STK33: variants seen among roughly 807,000 people sequenced by gnomAD.
The protein encoded by STK33 is serine/threonine-protein kinase 33.
STK33 carries 52 observed loss-of-function variants against 58.0 expected under a neutral mutation model. The observed-to-expected ratio is 0.90, with a 90% CI of 0.72 to 1.13. The LOEUF (loss-of-function observed/expected upper bound fraction) is 1.13, where lower values mean the gene tolerates loss of function less well. STK33 is among the 50% of genes most tolerant of loss of function. The probability of loss-of-function intolerance (pLI) is 0.00; values close to 1 mark genes in which losing one functional copy is unlikely to be tolerated. For missense variants in STK33, 630 were observed against 604.2 expected (o/e 1.04, Z -0.45); for synonymous variants, 215 against 200.1 (o/e 1.07, Z -0.63).
the STK33 span, among the ~76,000 whole-genome samples, chr11:8,348,015 C>T: frequency 6.6e-6 from 1 of 152,200 alleles, no homozygotes; most frequent in Admixed American, 6.5e-5. Flanking sequence ...GGTCTAGTCC[C>T]TGAGAGGAGA....
intron 1 of STK33, among the ~76,000 whole-genome samples, chr11:8,490,376 C>T (rs767931603): frequency 6.6e-6 from 1 of 152,142 alleles, no homozygotes; most frequent in Non-Finnish European, 1.5e-5. Flanking sequence ...GGGGCGTCCA[C>T]CATTGCTGAG....
chr11:8,402,633 G>A (rs1938296200), intron 15 of STK33, among the ~76,000 whole-genome samples: 2 of 151,894 alleles, frequency 1.3e-5, no homozygotes, highest in Admixed American at 6.6e-5. Context: ...AAAAGAATCT[G>A]AGACTCCCCT....
At chr11:8,376,116 C>T in the STK33 span, among the ~76,000 whole-genome samples, 1 of 152,154 alleles carries the variant, frequency 6.6e-6, no homozygotes, top group African/African-American at 2.4e-5. Flanking sequence ...GGGGAATGAG[C>T]GGGGTCAGAG....
chr11:8,456,842 G>T (rs1288114757), intron 9 of STK33, among the ~76,000 whole-genome samples: 1 of 152,160 alleles, frequency 6.6e-6, no homozygotes, highest in African/African-American at 2.4e-5. Context: ...TGGACTTAGG[G>T]TGACAATGAT....
At chr11:8,416,806 G>A (rs1480074638) in intron 14 of STK33, among the ~76,000 whole-genome samples, 4 of 152,130 alleles carry the variant, frequency 2.6e-5, no homozygotes, top group African/African-American at 7.2e-5. Flanking sequence ...TATTTCCTAT[G>A]TGGAAATTTT....
At chr11:8,480,126 G>T (rs905327258) in intron 2 of STK33, among the ~76,000 whole-genome samples, 1 of 152,170 alleles carries the variant, frequency 6.6e-6, no homozygotes, top group Admixed American at 6.5e-5. Flanking sequence ...AGACTTCTAC[G>T]TGATTTGAAG....
In STK33 at chr11:8,552,928, A is replaced by T. The variant is rs191942045; in HGVS notation, c.-466+41155T>A. On this transcript the variant is annotated intron_variant, in intron 1 of 15. Coordinates refer to ENST00000687296, the MANE Select transcript of STK33 (RefSeq NM_001352389.2). ...CACTTTGGGAGGCCAAGGCAGAAGGATCGCTTGAGCCCAGGAGTTCAGGAG... is the reference window on the plus strand; with the variant it reads ...CACTTTGGGAGGCCAAGGCAGAAGGTTCGCTTGAGCCCAGGAGTTCAGGAG... 2.4e-3 allele frequency among the ~76,000 whole-genome samples: 371 copies of T among 151,660 alleles called. 6 individuals carry two copies. Among genetic ancestry groups the T allele is most frequent in the African/African-American group, 8.6e-3 (355 of 41,354 alleles).
chr11:8,495,972 T>G (rs1301138987), intron 1 of STK33, among the ~76,000 whole-genome samples: 1 of 151,922 alleles, frequency 6.6e-6, no homozygotes, highest in Non-Finnish European at 1.5e-5. Context: ...GGGAGAGGGA[T>G]AGCATTAGGA....
At chr11:8,385,977 T>C in the STK33 span, among the ~76,000 whole-genome samples, 2 of 150,648 alleles carry the variant, frequency 1.3e-5, no homozygotes, top group African/African-American at 4.9e-5. Context: ...GGTTTCACCA[T>C]GTTAGCCAGG....
At chr11:8,381,399 T>C in the STK33 span, among the ~76,000 whole-genome samples, 28 of 152,138 alleles carry the variant, frequency 1.8e-4, 1 homozygote, top group Non-Finnish European at 5.9e-5. Context: ...CCCCACTCCA[T>C]TGTGGCTAAG....
At chr11:8,524,840 A>G (rs1953889101) in intron 1 of STK33, among the ~76,000 whole-genome samples, 1 of 151,764 alleles carries the variant, frequency 6.6e-6, no homozygotes, top group African/African-American at 2.4e-5. Context: ...AAATATTTGC[A>G]TCACAAAAAT....
chr11:8,593,515 A>G (rs761917021), intron 1 of STK33, among the ~76,000 whole-genome samples: 4 of 152,160 alleles, frequency 2.6e-5, no homozygotes, highest in Non-Finnish European at 5.9e-5. Context: ...TATAATCTAC[A>G]TTTAGGAAGC....
the STK33 span, among the ~76,000 whole-genome samples, chr11:8,338,402 A>G: frequency 6.6e-6 from 1 of 152,178 alleles, no homozygotes; most frequent in East Asian, 1.9e-4. Flanking sequence ...GATGGCTTCT[A>G]TGTCCAGGAC....
chr11:8,514,004 C>T (rs562415965), intron 1 of STK33, among the ~76,000 whole-genome samples: 1 of 152,238 alleles, frequency 6.6e-6, no homozygotes, highest in African/African-American at 2.4e-5. Context: ...TCCTTCTACC[C>T]TCTATCTCCA....
chr11:8,569,669 A>G (rs763254232), intron 1 of STK33, among the ~76,000 whole-genome samples: 7 of 152,180 alleles, frequency 4.6e-5, no homozygotes, highest in Non-Finnish European at 8.8e-5. Flanking sequence ...AAGAAAATCA[A>G]TAGGTGGCCA....
intron 11 of STK33, among the ~76,000 whole-genome samples, chr11:8,441,873 C>T (rs1352837919): frequency 2.6e-5 from 4 of 152,048 alleles, no homozygotes; most frequent in Admixed American, 6.6e-5. Context: ...GAGATAGATA[C>T]GTAAGCATTT....
chr11:8,388,412 A>AAAAT (rs1206999144), downstream of STK33, among the ~76,000 whole-genome samples: 5 of 152,284 alleles, frequency 3.3e-5, no homozygotes, highest in Non-Finnish European at 7.3e-5. Context: ...AAAGGCAAAG[A>AAAAT]AAATTGGCTC....
intron 1 of STK33, among the ~76,000 whole-genome samples, chr11:8,534,566 CTCTGTGTGTGTGTG>C (rs1345771617): frequency 1.9e-5 from 2 of 106,398 alleles, no homozygotes; most frequent in African/African-American, 4.1e-5. Flanking sequence ...CTCTCTCTCT[CTCTGTGTGTGTGTG>C]TGTGTGTGTG....
rs749357461 is a variant in STK33 at position 8,392,552 on chromosome 11, A to G, written c.1503T>C (p.Pro501=). ...TTCTGGACAGGGCGCCGGATTTAGC[A>G]GGGTACTTGGTTGCTGTTCCTTGGC... The part of the protein sequence containing the change: ...TPSQGTATKY[P]AKSGALSRTK... Residue 501 remains proline (P), a synonymous_variant, in exon 16 of 16, where the codon CCT becomes CCC. Transcript: ENST00000687296. 3 of 1,613,506 alleles carry G rather than the reference A, an allele frequency of 1.9e-6. No homozygotes were observed.
Sources: allele counts gnomAD v4.1 joint callset (sites outside exome capture counted in the v4.1 genomes callset), GRCh38; gene constraint gnomAD v4.1.1; transcripts MANE v1.5; gene names NCBI Gene and HGNC (gene_info 2026-07-23, HGNC 2026-07-21).